The following TENT4A variants were observed in gnomAD, a reference collection of about 807,000 sequenced individuals.
TENT4A encodes terminal nucleotidyltransferase 4A.
In TENT4A, 7 loss-of-function variants were observed where a neutral mutation model predicts 72.8. That is an observed-to-expected ratio of 0.10 (90% CI 0.05 to 0.18). The LOEUF is 0.18. TENT4A is among the 10% of genes least tolerant of loss of function. The pLI is 1.00. For missense variants in TENT4A, 831 were observed against 1,017.7 expected, an observed-to-expected ratio of 0.82 and a Z score of 2.50; for synonymous variants, 456 against 434.3, an observed-to-expected ratio of 1.05 and a Z score of -0.62.
chr5:6,729,909 G>A (rs780160331), intron 1 of TENT4A, among the ~76,000 whole-genome samples: 1 of 152,138 alleles, frequency 6.6e-6, no homozygotes, highest in Non-Finnish European at 1.5e-5. Context: ...TGCCCACTCA[G>A]TTTGTGAGAT....
At chr5:6,718,589 G>A (rs939568074) in intron 1 of TENT4A, among the ~76,000 whole-genome samples, 2 of 152,220 alleles carry the variant, frequency 1.3e-5, no homozygotes. Context: ...GAAGAGAAGC[G>A]TGTATGTATG....
chr5:6,745,859 C>T (rs569395047), intron 6 of TENT4A: 8 of 366,986 alleles, frequency 2.2e-5, no homozygotes, highest in Admixed American at 1.5e-4. Flanking sequence ...ATTAGGATGA[C>T]GAGAATCTGA....
In TENT4A at chr5:6,742,795, C is replaced by T. The variant is rs142656253; in HGVS notation, c.1116+198C>T. Among the ~76,000 whole-genome samples the T allele has an allele frequency of 6.8e-4, 104 of 152,324 alleles. 1 individual carries two copies. The highest frequency in any genetic ancestry group is 2.4e-3 in the African/African-American group (98 of 41,558). ...TAGCTGTTTTTAAAATTTGCTTTTCCTGAGTAACCATTTTATAAAGTTGAC... is the reference window on the plus strand; with the variant it reads ...TAGCTGTTTTTAAAATTTGCTTTTCTTGAGTAACCATTTTATAAAGTTGAC... On this transcript the variant is annotated intron_variant, in intron 5 of 12. Coordinates refer to ENST00000230859, the MANE Select transcript of TENT4A (RefSeq NM_006999.6).
Position 6,753,010 on chromosome 5 carries a change from G to A in TENT4A, c.2157G>A (p.Pro719=), listed in dbSNP as rs746633129. The part of the protein sequence containing the change: ...SPAIPSASPN[P]LSSPHLYHKQ... ...CCATTCCCTCAGCGTCCCCCAACCC[G>A]CTCTCGAGCCCTCATCTGTATCATA... Residue 719 remains proline (P), a synonymous_variant, in exon 12 of 13, where the codon CCG becomes CCA. Transcript: ENST00000230859. The A allele has an allele frequency of 6.8e-6, 11 of 1,614,020 alleles. 1 individual carries two copies. Among genetic ancestry groups the A allele is most frequent in the Admixed American group, 3.3e-5 (2 of 60,012 alleles).
Position 6,754,900 on chromosome 5 carries a change from A to G in TENT4A, c.2334A>G (p.Lys778=). Residue 778 remains lysine, a synonymous_variant, in exon 13 of 13, where the codon AAA becomes AAG. Transcript: ENST00000230859. ...ACCGCACCGGCTGGAGGAGGAAAAAACACACACACACACGGGACAGTCTGC... is the reference window on the plus strand; with the variant it reads ...ACCGCACCGGCTGGAGGAGGAAAAAGCACACACACACACGGGACAGTCTGC... ...QYNRTGWRRK[K]HTHTRDSLPV... 6.6e-7 allele frequency: 1 copy of G among 1,522,200 alleles called. No individual in the cohort carries two copies. The highest frequency in any genetic ancestry group is 1.2e-5 in the South Asian group (1 of 82,074). 94.3% of individuals were successfully genotyped at this position (1,522,200 alleles called of 1,614,324 possible).
At chr5:6,719,628 C>T (rs1396845639) in intron 1 of TENT4A, among the ~76,000 whole-genome samples, 2 of 152,214 alleles carry the variant, frequency 1.3e-5, no homozygotes, top group African/African-American at 4.8e-5. Flanking sequence ...TTGAGAAGCA[C>T]CTCAGGGAGG....
At chr5:6,731,576 G>A (rs1276611846) in intron 1 of TENT4A, among the ~76,000 whole-genome samples, 1 of 148,316 alleles carries the variant, frequency 6.7e-6, no homozygotes, top group Non-Finnish European at 1.5e-5. Context: ...GTCTTGCACT[G>A]TTGCCCAGAC....
Position 6,714,253 on chromosome 5 carries a change from G to A in TENT4A, c.270G>A (p.Thr90=). The stretch of plus-strand genomic sequence containing the variant: ...CCGCGCTGCCCCCCGCGCTGCTGAC[G>A]GCGCTGGGGCCCGCGGCCGAGGGCG... ...APAALPPALL[T]ALGPAAEGAR... The change falls in exon 1 of 13, where the codon ACG becomes ACA. Residue 90 remains threonine (T), a synonymous_variant. Coordinates refer to ENST00000230859, the MANE Select transcript of TENT4A (RefSeq NM_006999.6). 1 of 1,031,256 alleles carries A rather than the reference G, an allele frequency of 9.7e-7. No homozygotes were observed. The highest frequency in any genetic ancestry group is 1.8e-5 in the African/African-American group (1 of 56,566). 63.9% of individuals were successfully genotyped at this position (1,031,256 alleles called of 1,614,324 possible).
chr5:6,746,515 C>A, intron 7 of TENT4A, 88 bp downstream of exon 7: 1 of 1,211,600 alleles, frequency 8.3e-7, no homozygotes, highest in Non-Finnish European at 1.2e-6. Flanking sequence ...CTCTGAGAGC[C>A]CCGGGCAGTT....
Position 6,755,503 on chromosome 5 carries a change from A to T in TENT4A, c.*558A>T, listed in dbSNP as rs2126667050. On this transcript the variant is annotated 3_prime_UTR_variant, in exon 13 of 13. Transcript: ENST00000230859. ...TTTTCACATAAGTTATATTTAAGGGAGGAGGGAATTTTTTTTAAACAAGCT... is the reference window on the plus strand; with the variant it reads ...TTTTCACATAAGTTATATTTAAGGGTGGAGGGAATTTTTTTTAAACAAGCT... The T allele has an allele frequency of 6.5e-6, 1 of 152,698 alleles. No homozygotes were observed. The highest frequency in any genetic ancestry group is 1.5e-5 in the Non-Finnish European group (1 of 68,014). The allele number at this position is 152,698 out of a possible 1,614,324, so 9.5% of individuals were successfully genotyped here.
chr5:6,714,787 G>A (rs893776880), intron 1 of TENT4A, 88 bp downstream of exon 1: 3 of 518,440 alleles, frequency 5.8e-6, no homozygotes, highest in East Asian at 6.0e-5. Flanking sequence ...CCAGGCGCCC[G>A]GGCTTTTGGA....
chr5:6,724,272 G>A (rs1740796900), intron 1 of TENT4A, among the ~76,000 whole-genome samples: 2 of 152,186 alleles, frequency 1.3e-5, no homozygotes, highest in Admixed American at 6.5e-5. Flanking sequence ...CTGTGAATGG[G>A]CAGAGATGGG....
rs186799582 is a variant in TENT4A at position 6,733,348 on chromosome 5, G to A, written c.717-4162G>A. ...GCCGCCAGCCTTTCTCATGGGGAGG[G>A]GAATGATGGCATGCCTGGGGGGCAG... is the stretch of plus-strand genomic sequence containing the variant. On this transcript the variant is annotated intron_variant, in intron 1 of 12. Coordinates refer to ENST00000230859, the MANE Select transcript of TENT4A (RefSeq NM_006999.6). Among the ~76,000 whole-genome samples the A allele has an allele frequency of 5.2e-5, 8 of 152,388 alleles. No individual in the cohort carries two copies. The East Asian group carries it at 1.5e-3, about 29-fold the overall frequency.
intron 1 of TENT4A, 79 bp downstream of exon 1, chr5:6,714,778 C>T (rs1163204958): frequency 2.1e-5 from 11 of 517,770 alleles, no homozygotes; most frequent in Non-Finnish European, 2.4e-5. Context: ...ACACCCGTCC[C>T]AGGCGCCCGG....
chr5:6,746,499 T>C (rs1383575525), intron 7 of TENT4A, 72 bp downstream of exon 7: 6 of 1,448,520 alleles, frequency 4.1e-6, no homozygotes, highest in Non-Finnish European at 5.7e-6. Flanking sequence ...AGGGCCTGTG[T>C]TGGGGCTCTG....
chr5:6,744,503 G>A (rs375840299), intron 6 of TENT4A, among the ~76,000 whole-genome samples: 6 of 152,128 alleles, frequency 3.9e-5, no homozygotes, highest in Admixed American at 1.3e-4. Flanking sequence ...TAATTTAGCC[G>A]CACGGCTGTA....
intron 1 of TENT4A, among the ~76,000 whole-genome samples, chr5:6,724,210 T>TC (rs1480923544): frequency 6.6e-6 from 1 of 151,990 alleles, no homozygotes; most frequent in Non-Finnish European, 1.5e-5. Context: ...TCTTCCCACC[T>TC]CCCCCACAGA....
chr5:6,754,664 G>A lies in TENT4A; in HGVS notation c.2185-87G>A, dbSNP rs755959407. The stretch of plus-strand genomic sequence containing the variant: ...ATCCCTGCTCTCTATGTAACATCAC[G>A]TCGGTGCTTAGTGTGGTCACTGCCC... On this transcript the variant is annotated intron_variant, in intron 12 of 12. Coordinates refer to ENST00000230859, the MANE Select transcript of TENT4A (RefSeq NM_006999.6). The A allele has an allele frequency of 3.3e-5, 34 of 1,038,214 alleles. 1 individual carries two copies. Among genetic ancestry groups the A allele is most frequent in the Non-Finnish European group, 4.4e-5 (32 of 730,084 alleles). 64.3% of individuals were successfully genotyped at this position (1,038,214 alleles called of 1,614,324 possible).
Position 6,714,395 on chromosome 5 carries a change from C to T in TENT4A, c.412C>T (p.Leu138=), listed in dbSNP as rs1272909342. 12 of 1,134,606 alleles carry T rather than the reference C, an allele frequency of 1.1e-5. No homozygotes were observed. Among genetic ancestry groups the T allele is most frequent in the Non-Finnish European group, 1.3e-5 (12 of 926,978 alleles). The allele number at this position is 1,134,606 out of a possible 1,614,324, so 70.3% of individuals were successfully genotyped here. ...CSSSSSSSAS[L]GRPGGGRGGA... Reference sequence around the variant, plus strand: ...GTCGTCGTCCTCCAGCAGCGCCTCGCTGGGCCGGCCGGGCGGCGGCCGCGG... The same window carrying T: ...GTCGTCGTCCTCCAGCAGCGCCTCGTTGGGCCGGCCGGGCGGCGGCCGCGG... Residue 138 remains leucine (L), a synonymous_variant, in exon 1 of 13, where the codon CTG becomes TTG. Transcript: ENST00000230859.
Sources: allele counts gnomAD v4.1 joint callset (sites outside exome capture counted in the v4.1 genomes callset), GRCh38; gene constraint gnomAD v4.1.1; transcripts MANE v1.5; gene names NCBI Gene and HGNC (gene_info 2026-07-23, HGNC 2026-07-21).